DIS3L2: variants seen among roughly 807,000 people sequenced by gnomAD.
DIS3L2 encodes DIS3-like exonuclease 2.
Under a neutral mutation model 97.5 loss-of-function variants are expected in DIS3L2, and 34 were observed. The observed-to-expected ratio is 0.35, with a 90% CI of 0.27 to 0.46. The LOEUF (loss-of-function observed/expected upper bound fraction) is 0.46, where lower values mean the gene tolerates loss of function less well. Among genes scored for constraint, DIS3L2 ranks in the 20% least tolerant of loss-of-function variants. The pLI is 1.00. For synonymous variants in DIS3L2, 435 were observed against 445.2 expected, an observed-to-expected ratio of 0.98 and a Z score of 0.29; for missense variants, 1,038 against 1,146.0, an observed-to-expected ratio of 0.91 and a Z score of 1.36.
intron 9 of DIS3L2, among the ~76,000 whole-genome samples, chr2:232,168,915 G>A (rs1410100257): frequency 1.3e-5 from 2 of 152,152 alleles, no homozygotes; most frequent in South Asian, 4.1e-4. Context: ...GAGTCATTCA[G>A]TTTTTATACC....
chr2:232,060,219 C>T (rs192650562), intron 5 of DIS3L2, among the ~76,000 whole-genome samples: 3 of 151,896 alleles, frequency 2.0e-5, no homozygotes, highest in African/African-American at 7.2e-5. Context: ...TTTCCTTTGC[C>T]GTGCAGTTTT....
chr2:231,962,998 T>C (rs1040063481), intron 1 of DIS3L2, among the ~76,000 whole-genome samples: 69 of 152,220 alleles, frequency 4.5e-4, no homozygotes, highest in African/African-American at 1.5e-3. Flanking sequence ...GTCACCTAGG[T>C]TGATTCCGTG....
chr2:232,323,969 A>T (rs1315308902), intron 14 of DIS3L2, among the ~76,000 whole-genome samples: 1 of 151,764 alleles, frequency 6.6e-6, no homozygotes, highest in African/African-American at 2.4e-5. Context: ...TGCCACCAAG[A>T]TCTCTTCCAC....
intron 9 of DIS3L2, among the ~76,000 whole-genome samples, chr2:232,176,041 C>G (rs535965907): frequency 1.4e-3 from 213 of 152,244 alleles, no homozygotes; most frequent in African/African-American, 4.6e-3. Context: ...AGGTGCCCAC[C>G]ACCACATCTG....
chr2:232,139,722 C>A (rs760835550), intron 8 of DIS3L2, among the ~76,000 whole-genome samples: 9 of 152,086 alleles, frequency 5.9e-5, no homozygotes, highest in Admixed American at 2.6e-4. Flanking sequence ...AGGACAGAGG[C>A]CTCTTTGCTA....
chr2:232,019,481 G>T (rs1694452520), intron 3 of DIS3L2, among the ~76,000 whole-genome samples: 1 of 152,042 alleles, frequency 6.6e-6, no homozygotes, highest in Non-Finnish European at 1.5e-5. Context: ...CCTGGAGTTG[G>T]AGGCTATGGT....
intron 8 of DIS3L2, among the ~76,000 whole-genome samples, chr2:232,137,388 A>C (rs1698388984): frequency 6.6e-6 from 1 of 152,246 alleles, no homozygotes; most frequent in Admixed American, 6.5e-5. Flanking sequence ...TTCATATTGA[A>C]AGAAAAGCAG....
chr2:232,001,715 C>CTTT (rs36048859), intron 1 of DIS3L2, among the ~76,000 whole-genome samples: 38 of 60,036 alleles, frequency 6.3e-4, no homozygotes, highest in Admixed American at 8.7e-4. Flanking sequence ...ATCTTTAATT[C>CTTT]TTTTTTTTTT....
chr2:232,225,674 TC>T (rs1179175464), intron 10 of DIS3L2, among the ~76,000 whole-genome samples: 1 of 152,160 alleles, frequency 6.6e-6, no homozygotes, highest in Non-Finnish European at 1.5e-5. Context: ...TTGTAAAACT[TC>T]ATTGAACTGT....
chr2:232,329,785 T>TCCCGGGG, intron 14 of DIS3L2, 28 bp from the exon 15 acceptor site: 35 of 967,112 alleles, frequency 3.6e-5, no homozygotes, highest in Admixed American at 6.8e-5. Context: ...ACCCCAGCGG[T>TCCCGGGG]CCCTCCCATC....
chr2:232,199,714 GAAAAC>G (rs1186609525), intron 9 of DIS3L2, among the ~76,000 whole-genome samples: 1 of 152,114 alleles, frequency 6.6e-6, no homozygotes, highest in East Asian at 1.9e-4. Context: ...TATGAAAAAG[GAAAAC>G]AAACACAGAA....
At chr2:232,238,338 A>G (rs1457728476) in intron 10 of DIS3L2, among the ~76,000 whole-genome samples, 195 bp from the exon 11 acceptor site, 2 of 152,188 alleles carry the variant, frequency 1.3e-5, no homozygotes, top group African/African-American at 2.4e-5. Context: ...ATCTTTTGCT[A>G]TACAATGAGG....
At chr2:232,176,849 C>T (rs1412072309) in intron 9 of DIS3L2, among the ~76,000 whole-genome samples, 1 of 149,348 alleles carries the variant, frequency 6.7e-6, no homozygotes, top group Non-Finnish European at 1.5e-5. Flanking sequence ...TACATGTGCA[C>T]ATTGTGCAGG....
In DIS3L2 at chr2:232,300,538, A is replaced by G. The variant is rs1309747985; in HGVS notation, c.1739+419A>G. ...TGATTATCTACCTTGTAAATTTTATATTAATGGTTGGGAGATTTCCGGGTA... is the reference window on the plus strand; with the variant it reads ...TGATTATCTACCTTGTAAATTTTATGTTAATGGTTGGGAGATTTCCGGGTA... On this transcript the variant is annotated intron_variant, in intron 14 of 20. Coordinates refer to ENST00000325385, the MANE Select transcript of DIS3L2 (RefSeq NM_152383.5). Among the ~76,000 whole-genome samples, 4 of 151,782 alleles carry G rather than the reference A, an allele frequency of 2.6e-5. No homozygotes were observed. In the East Asian group the frequency reaches 5.8e-4, roughly 22 times the overall value.
chr2:232,341,974 C>G (rs920559666), downstream of DIS3L2, among the ~76,000 whole-genome samples: 1 of 152,208 alleles, frequency 6.6e-6, no homozygotes, highest in East Asian at 1.9e-4. Flanking sequence ...TACACACAGG[C>G]AGTCCCATCA....
intron 12 of DIS3L2, among the ~76,000 whole-genome samples, chr2:232,259,561 C>T (rs1422103895): frequency 5.3e-5 from 8 of 152,046 alleles, no homozygotes; most frequent in East Asian, 1.9e-4. Context: ...CTTGCTGCTA[C>T]GTTTTATGCA....
At chr2:232,340,875 G>A (rs758744258), downstream of DIS3L2, 5 of 471,246 alleles carry the variant, frequency 1.1e-5, no homozygotes, top group African/African-American at 4.0e-5. Flanking sequence ...ATTGCCCTTC[G>A]TGGAGGAAAA....
Position 232,238,560 on chromosome 2 carries a change from C to G in DIS3L2, c.1232C>G (p.Ala411Gly). 12 of 1,614,170 alleles carry G rather than the reference C, an allele frequency of 7.4e-6. No individual in the cohort carries two copies. The highest frequency in any genetic ancestry group is 1.0e-5 in the Non-Finnish European group (12 of 1,180,004). The change falls in exon 11 of 21, where the codon GCT becomes GGT. Residue 411 changes from alanine (A) to glycine (G), a missense_variant. Physicochemically the swap from Ala to Gly is moderately conservative, Grantham distance 60. Transcript: ENST00000325385. ...DGNFKVGVHI[A>G]DVSYFVPEGS... ...AACTTCAAAGTGGGAGTTCACATTG[C>G]TGACGTGAGTTACTTTGTTCCGGAG...
At chr2:232,131,130 T>A (rs891696852) in intron 7 of DIS3L2, 17 of 161,048 alleles carry the variant, frequency 1.1e-4, no homozygotes, top group Non-Finnish European at 2.2e-4. Flanking sequence ...ATACCTAATT[T>A]AAAAATAATT....
Sources: gnomAD v4.1 joint callset for allele counts (sites outside exome capture counted in the v4.1 genomes callset) on GRCh38, gnomAD v4.1.1 for gene constraint, MANE v1.5 for transcripts, NCBI Gene and HGNC (gene_info 2026-07-23, HGNC 2026-07-21) for gene names.